SPIN3: variants seen among roughly 807,000 people sequenced by gnomAD.
SPIN3 encodes the protein spindlin family member 3.
For synonymous variants in SPIN3, 74 were observed against 74.3 expected, an observed-to-expected ratio of 1.00 and a Z score of 0.02; for missense variants, 176 against 196.4, an observed-to-expected ratio of 0.90 and a Z score of 0.62.
At chrX:56,984,532 G>GA (rs780556457) in intron 2 of SPIN3, 297 of 275,949 alleles carry the variant, frequency 1.1e-3, no homozygotes, top group Middle Eastern at 2.5e-3. Context: ...GAGATTAAGT[G>GA]AAAAAAAAAA....
Position 56,994,956 on chromosome X carries a change from AGAG to A in SPIN3, c.-2-10_-2-8del, listed in dbSNP as rs772896887. The A allele has an allele frequency of 4.2e-5, 49 of 1,168,241 alleles. No homozygotes were observed. Among genetic ancestry groups the A allele is most frequent in the Non-Finnish European group, 5.4e-5 (47 of 876,298 alleles). Reference sequence around the variant, plus strand: ...CCAAACGGGGTCTTCATGCCTGCGAAGAGGAGCACAGTTGCCAGGTGGACCGAG... The same window carrying A: ...CCAAACGGGGTCTTCATGCCTGCGAAGAGCACAGTTGCCAGGTGGACCGAG... On this transcript the variant is annotated splice_region_variant and splice_polypyrimidine_tract_variant and intron_variant, in intron 1 of 1. Coordinates refer to ENST00000374919, the MANE Select transcript of SPIN3 (RefSeq NM_001010862.3).
At chrX:56,981,639 G>C in intron 3 of SPIN3, 1 of 111,841 alleles carries the variant, frequency 8.9e-6, no homozygotes, top group East Asian at 2.8e-4. Flanking sequence ...TTCCTATCAT[G>C]GCATAGATGA....
intron 3 of SPIN3, chrX:56,979,153 G>A (rs1924062934): frequency 9.0e-6 from 1 of 111,339 alleles, no homozygotes; most frequent in Non-Finnish European, 1.9e-5. Context: ...TTAGGTATAT[G>A]AGAGTCCTAG....
In SPIN3 at chrX:56,994,254, C is replaced by A. The variant is rs200340428; in HGVS notation, c.694G>T (p.Val232Leu). The stretch of plus-strand genomic sequence containing the variant: ...AAGTACACAGAGGGTTTTGCTTCTA[C>A]CTGATGAATGACCATGCCAGTTCTC... ...SKRTGMVIHQ[V>L]EAKPSVYFIK... is the part of the protein sequence containing the mutation. The change falls in exon 2 of 2, where the codon GTA (valine) becomes TTA (leucine). Residue 232 changes from valine (V) to leucine (L), a missense_variant. Val to Leu is a conservative substitution (Grantham distance 32). Coordinates refer to ENST00000374919, the MANE Select transcript of SPIN3 (RefSeq NM_001010862.3). 1.4e-4 allele frequency: 169 copies of A among 1,209,912 alleles called. No homozygotes were observed. Among genetic ancestry groups the A allele is most frequent in the Middle Eastern group, 2.3e-4 (1 of 4,374 alleles).
At chrX:56,985,738 A>C (rs950450654) in intron 2 of SPIN3, among the ~76,000 whole-genome samples, 4 of 111,442 alleles carry the variant, frequency 3.6e-5, no homozygotes, top group Non-Finnish European at 7.5e-5. Flanking sequence ...TATTATTTAG[A>C]CCCTTATTTC....
At chrX:56,981,056 G>A (rs1924106943) in intron 3 of SPIN3, among the ~76,000 whole-genome samples, 1 of 107,214 alleles carries the variant, frequency 9.3e-6, no homozygotes, top group Non-Finnish European at 1.9e-5. Context: ...GAGGCCTAAA[G>A]CCTCTCTAAA....
At chrX:56,988,163 C>T (rs1454413469), downstream of SPIN3, among the ~76,000 whole-genome samples, 2 of 111,156 alleles carry the variant, frequency 1.8e-5, no homozygotes, top group Non-Finnish European at 3.8e-5. Flanking sequence ...AAGCATGTGG[C>T]CCTCAGATCT....
chrX:56,981,861 C>T (rs1302134121), intron 3 of SPIN3: 2 of 111,652 alleles, frequency 1.8e-5, no homozygotes, highest in African/African-American at 3.3e-5. Flanking sequence ...ATACCCCACC[C>T]TCAATTCCCT....
chrX:56,988,256 C>CT (rs1434409120), downstream of SPIN3, among the ~76,000 whole-genome samples: 1 of 111,118 alleles, frequency 9.0e-6, no homozygotes, highest in East Asian at 2.8e-4. Flanking sequence ...GAAAATAAAA[C>CT]TTTGCTTGTT....
Position 56,995,481 on chromosome X carries a change from C to T in SPIN3, c.-268G>A. 1 of 115,481 alleles carries T rather than the reference C, an allele frequency of 8.7e-6. No homozygotes were observed. The highest frequency in any genetic ancestry group is 1.8e-5 in the Non-Finnish European group (1 of 54,784). 9.5% of individuals were successfully genotyped at this position (115,481 alleles called of 1,213,427 possible). A position where few individuals can be genotyped will look rare whatever the true frequency, so the allele number is the denominator to read the frequency against. The stretch of plus-strand genomic sequence containing the variant: ...GCCTTCCTGGTGGCGGCGGCGGTGG[C>T]GGTGGCCGCAGCCCCTCTCCCACAT... On this transcript the variant is annotated 5_prime_UTR_variant, in exon 1 of 2. Transcript: ENST00000374919.
In SPIN3 at chrX:56,993,760, G is replaced by C. The variant is rs1924408643; in HGVS notation, c.*411C>G. 1 of 116,896 alleles carries C rather than the reference G, an allele frequency of 8.6e-6. No individual in the cohort carries two copies. The highest frequency in any genetic ancestry group is 3.2e-5 in the African/African-American group (1 of 30,832). The allele number at this position is 116,896 out of a possible 1,213,427, so 9.6% of individuals were successfully genotyped here. ...GTTAGATTTTTGAAGCCACTTGGGG[G>C]AGATTTGAGATTGCAAAGACACTTA... On this transcript the variant is annotated 3_prime_UTR_variant, in exon 2 of 2. Transcript: ENST00000374919.
chrX:56,979,648 G>A (rs934127448), intron 3 of SPIN3: 8 of 111,262 alleles, frequency 7.2e-5, no homozygotes, highest in East Asian at 2.8e-4. Context: ...CTAGTTTTTC[G>A]GTGAAAACAT....
rs1235132896 is a variant in SPIN3 at position 56,992,028 on chromosome X, G to A, written c.*2143C>T. 8 of 294,729 alleles carry A rather than the reference G, an allele frequency of 2.7e-5. No individual in the cohort carries two copies. Among genetic ancestry groups the A allele is most frequent in the Middle Eastern group, 8.7e-4 (1 of 1,149 alleles). The allele number at this position is 294,729 out of a possible 1,213,427, so 24.3% of individuals were successfully genotyped here. A position where few individuals can be genotyped will look rare whatever the true frequency, so the allele number is the denominator to read the frequency against. On this transcript the variant is annotated 3_prime_UTR_variant, in exon 2 of 2. Coordinates refer to ENST00000374919, the MANE Select transcript of SPIN3 (RefSeq NM_001010862.3). ...CAACTATTAAACTCCAAGGGAAAAA[G>A]GACTGCCCAAAATTAAATTTCTAAT... is the stretch of plus-strand genomic sequence containing the variant.
At chrX:56,983,134 A>G (rs910661267) in intron 3 of SPIN3, among the ~76,000 whole-genome samples, 3 of 112,210 alleles carry the variant, frequency 2.7e-5, no homozygotes, top group African/African-American at 9.7e-5. Flanking sequence ...CTGCATTTCC[A>G]TTCTGTGAAA....
rs1336153994 is a variant in SPIN3 at position 56,991,069 on chromosome X, AAG to A, written c.*3100_*3101del. ...ACTGAGGCCAGGGGTGAGAAGGAGG[AAG>A]AGAGACTTACTTTTTAATAGTATAC... On this transcript the variant is annotated 3_prime_UTR_variant, in exon 2 of 2. Coordinates refer to ENST00000374919, the MANE Select transcript of SPIN3 (RefSeq NM_001010862.3). 2 of 111,880 alleles carry A rather than the reference AAG, an allele frequency of 1.8e-5. No homozygotes were observed. The highest frequency in any genetic ancestry group is 3.8e-5 in the Non-Finnish European group (2 of 53,228). 9.2% of individuals were successfully genotyped at this position (111,880 alleles called of 1,213,427 possible). A position where few individuals can be genotyped will look rare whatever the true frequency, so the allele number is the denominator to read the frequency against.
chrX:56,990,370 C>T (rs1025620796), downstream of SPIN3, among the ~76,000 whole-genome samples: 9 of 111,420 alleles, frequency 8.1e-5, no homozygotes, highest in African/African-American at 2.6e-4. Context: ...TATTGATCAA[C>T]GTTTGGTAAC....
exon 6 of SPIN3, chrX:56,976,470 T>C (rs1180756532): frequency 9.0e-6 from 1 of 111,715 alleles, no homozygotes; most frequent in Non-Finnish European, 1.9e-5. Flanking sequence ...TTTCGTTCCA[T>C]TGCAATTTCT....
At chrX:56,989,991 T>C (rs918512085), downstream of SPIN3, among the ~76,000 whole-genome samples, 1 of 92,854 alleles carries the variant, frequency 1.1e-5, no homozygotes, top group African/African-American at 4.0e-5. Flanking sequence ...CGTGGAAAAA[T>C]TGTTTTCCAT....
At chrX:56,982,161 G>C (rs1924134441) in intron 3 of SPIN3, 3 of 111,521 alleles carry the variant, frequency 2.7e-5, no homozygotes, top group African/African-American at 9.8e-5. Flanking sequence ...GACCACCCAG[G>C]ATCATGATGG....
Sources: gnomAD v4.1 joint callset for allele counts (sites outside exome capture counted in the v4.1 genomes callset) on GRCh38, gnomAD v4.1.1 for gene constraint, MANE v1.5 for transcripts, NCBI Gene and HGNC (gene_info 2026-07-23, HGNC 2026-07-21) for gene names.